GIGYF2: variants seen among roughly 807,000 people sequenced by gnomAD.
GIGYF2 encodes the protein GRB10 interacting GYF protein 2.
Under a neutral mutation model 208.1 loss-of-function variants are expected in GIGYF2, and 25 were observed. That is an observed-to-expected ratio of 0.12 (90% CI 0.09 to 0.17). GIGYF2 has a LOEUF of 0.17. GIGYF2 is among the 10% of genes least tolerant of loss of function. The pLI, the probability that GIGYF2 is intolerant of heterozygous loss-of-function variation, is 1.00. For missense variants in GIGYF2, 1,302 were observed against 1,579.4 expected (o/e 0.82, Z 2.98); for synonymous variants, 534 against 543.8 (o/e 0.98, Z 0.25).
chr2:232,791,062 G>C lies in GIGYF2; in HGVS notation c.985G>C (p.Asp329His). The change falls in exon 11 of 29, where the codon GAC (aspartate) becomes CAC (histidine). Residue 329 changes from aspartate (D) to histidine (H), a missense_variant. Coordinates refer to ENST00000373563, the MANE Select transcript of GIGYF2 (RefSeq NM_001103146.3). ...EEQEMDFRPVDEGEECSDSEG... is the reference protein window; with the variant it reads ...EEQEMDFRPVHEGEECSDSEG... ...GCAGGAGATGGACTTCCGGCCTGTG[G>C]ACGAAGGGGAGGAGTGCTCTGACTC... 6.2e-7 allele frequency: 1 copy of C among 1,614,056 alleles called. No individual in the cohort carries two copies. Among genetic ancestry groups the C allele is most frequent in the Non-Finnish European group, 8.5e-7 (1 of 1,179,954 alleles).
chr2:232,726,388 A>AG (rs1697204587), intron 2 of GIGYF2, among the ~76,000 whole-genome samples: 1 of 150,426 alleles, frequency 6.6e-6, no homozygotes, highest in African/African-American at 2.5e-5. Flanking sequence ...AAAAAAAAAA[A>AG]TCATATGGGA....
At chr2:232,698,293 C>A in intron 1 of GIGYF2, 1 of 152,176 alleles carries the variant, frequency 6.6e-6, no homozygotes. Flanking sequence ...CACACGTAGT[C>A]TCTCTGTAAG....
intron 8 of GIGYF2, among the ~76,000 whole-genome samples, chr2:232,785,463 T>A (rs1699880557): frequency 1.3e-5 from 2 of 152,182 alleles, no homozygotes; most frequent in African/African-American, 4.8e-5. Flanking sequence ...CATGCAAGCT[T>A]CTCCACGAGG....
chr2:232,723,154 ACT>A (rs757254805), intron 2 of GIGYF2, among the ~76,000 whole-genome samples: 3 of 151,460 alleles, frequency 2.0e-5, no homozygotes, highest in African/African-American at 2.4e-5. Context: ...CTTCAATAAA[ACT>A]CTACATAACC....
intron 8 of GIGYF2, among the ~76,000 whole-genome samples, chr2:232,779,893 T>TA (rs536149854): frequency 1.2e-3 from 177 of 152,216 alleles, no homozygotes; most frequent in Non-Finnish European, 2.2e-3. Flanking sequence ...GGGTGGTAAA[T>TA]ATCAACACTT....
intron 21 of GIGYF2, among the ~76,000 whole-genome samples, chr2:232,822,467 A>G (rs1051055212): frequency 2.6e-5 from 4 of 152,200 alleles, no homozygotes; most frequent in Admixed American, 6.5e-5. Context: ...CAGATCACGA[A>G]GTCAGGAGTT....
At chr2:232,808,526 C>A (rs1478783334) in intron 15 of GIGYF2, among the ~76,000 whole-genome samples, 6 of 152,042 alleles carry the variant, frequency 3.9e-5, no homozygotes. Context: ...CTTAGTTTTT[C>A]ATGTAGACAT....
chr2:232,750,705 GT>G (rs1158283992), intron 5 of GIGYF2, among the ~76,000 whole-genome samples: 1 of 150,138 alleles, frequency 6.7e-6, no homozygotes, highest in Non-Finnish European at 1.5e-5. Flanking sequence ...TCTTTTCCTT[GT>G]TGATTTATGC....
rs370170947 is a variant in GIGYF2, at chr2:232,812,436, C to T, written c.2052C>T (p.Ser684=). The T allele has an allele frequency of 5.8e-5, 91 of 1,556,686 alleles. No homozygotes were observed. Among genetic ancestry groups the T allele is most frequent in the Non-Finnish European group, 6.8e-5 (77 of 1,128,284 alleles). The change falls in exon 18 of 29, where the codon TCC becomes TCT. Residue 684 remains serine, a synonymous_variant. Coordinates refer to ENST00000373563, the MANE Select transcript of GIGYF2 (RefSeq NM_001103146.3). Reference sequence around the variant, plus strand: ...TTCCCTCAGTAACTAGGTCTGTGTCCGTGCCAGATACTGGCTCTATCTGGG... The same window carrying T: ...TTCCCTCAGTAACTAGGTCTGTGTCTGTGCCAGATACTGGCTCTATCTGGG... ...NIIPSVTRSV[S]VPDTGSIWEL...
At chr2:232,777,954 C>A (rs977162621) in intron 8 of GIGYF2, among the ~76,000 whole-genome samples, 31 of 151,930 alleles carry the variant, frequency 2.0e-4, no homozygotes, top group African/African-American at 7.5e-4. Flanking sequence ...TTTTTATTTT[C>A]ATTTTTTTTA....
chr2:232,720,989 A>G (rs1696919212), intron 2 of GIGYF2, among the ~76,000 whole-genome samples: 1 of 152,210 alleles, frequency 6.6e-6, no homozygotes, highest in African/African-American at 2.4e-5. Context: ...CAAAGAGAGA[A>G]AAGGCCAGAG....
intron 22 of GIGYF2, among the ~76,000 whole-genome samples, chr2:232,838,250 A>G (rs1477418011): frequency 6.6e-6 from 1 of 151,974 alleles, no homozygotes; most frequent in Admixed American, 6.6e-5. Context: ...GAGCGTGTGT[A>G]TGTATATGTA....
intron 2 of GIGYF2, among the ~76,000 whole-genome samples, chr2:232,716,473 C>T (rs948461950): frequency 2.8e-4 from 42 of 148,566 alleles, no homozygotes; most frequent in African/African-American, 1.0e-3. Context: ...CCACCTCCCG[C>T]GTTCAAGCAA....
At chr2:232,845,162 A>T (rs1701958875) in intron 25 of GIGYF2, among the ~76,000 whole-genome samples, 1 of 152,210 alleles carries the variant, frequency 6.6e-6, no homozygotes. Context: ...CATCGGTAAA[A>T]TGAAGATAAT....
intron 27 of GIGYF2, 90 bp from the exon 28 acceptor site, chr2:232,850,172 T>G (rs1331300474): frequency 9.2e-6 from 10 of 1,090,766 alleles, no homozygotes; most frequent in Non-Finnish European, 1.4e-5. Flanking sequence ...AAGCTCATTC[T>G]TGATAAGGTG....
intron 14 of GIGYF2, among the ~76,000 whole-genome samples, chr2:232,799,055 A>G (rs1046318508): frequency 1.3e-5 from 2 of 151,858 alleles, no homozygotes; most frequent in African/African-American, 4.8e-5. Context: ...GGAATCGTGC[A>G]GTATTTGTCT....
intron 22 of GIGYF2, among the ~76,000 whole-genome samples, chr2:232,836,256 A>ATCTCTCTCTCTCTCTCTCTCTCTC (rs1559160076): frequency 6.8e-5 from 7 of 102,716 alleles, no homozygotes; most frequent in African/African-American, 3.0e-4. Flanking sequence ...GTGAAACCCC[A>ATCTCTCTCTCTCTCTCTCTCTCTC]TCTCTACATA....
intron 8 of GIGYF2, among the ~76,000 whole-genome samples, chr2:232,764,900 C>G (rs1183957783): frequency 6.6e-6 from 1 of 152,060 alleles, no homozygotes; most frequent in Admixed American, 6.5e-5. Context: ...ATTTTCTTAG[C>G]CACCCTCTAT....
intron 2 of GIGYF2, among the ~76,000 whole-genome samples, chr2:232,730,921 A>G (rs1050187465): frequency 6.6e-6 from 1 of 150,628 alleles, no homozygotes; most frequent in Non-Finnish European, 1.5e-5. Flanking sequence ...AAAAAAAAAA[A>G]AGAAATCTTT....
Sources: gnomAD v4.1 joint callset for allele counts (sites outside exome capture counted in the v4.1 genomes callset) on GRCh38, gnomAD v4.1.1 for gene constraint, MANE v1.5 for transcripts, NCBI Gene and HGNC (gene_info 2026-07-23, HGNC 2026-07-21) for gene names.